TEAD1: variants seen among roughly 807,000 people sequenced by gnomAD.
TEAD1 encodes the protein transcriptional enhancer factor TEF-1.
Under a neutral mutation model 54.9 loss-of-function variants are expected in TEAD1, and 9 were observed. The ratio of observed to expected loss-of-function variants is 0.16; its 90% confidence interval spans 0.10 to 0.29. TEAD1 has a LOEUF of 0.29. Ranked by LOEUF, TEAD1 falls within the 10% of genes least tolerant of loss-of-function variation. TEAD1 has a pLI of 1.00. For synonymous variants in TEAD1, 200 were observed against 187.8 expected, an observed-to-expected ratio of 1.07 and a Z score of -0.53; for missense variants, 387 against 535.9, an observed-to-expected ratio of 0.72 and a Z score of 2.74.
At chr11:12,866,087 C>T (rs937408127) in intron 5 of TEAD1, among the ~76,000 whole-genome samples, 2 of 152,160 alleles carry the variant, frequency 1.3e-5, no homozygotes, top group Non-Finnish European at 2.9e-5. Context: ...CATGCTGGCT[C>T]GCTCGCACGT....
At chr11:12,929,504 A>C (rs994988534) in intron 11 of TEAD1, among the ~76,000 whole-genome samples, 1 of 151,538 alleles carries the variant, frequency 6.6e-6, no homozygotes, top group Admixed American at 6.6e-5. Context: ...ATATGAGGCT[A>C]CTTCATTAAG....
At position 12,790,505 on chromosome 11, in the gene TEAD1, G is replaced by A. The variant is rs1945776849; in HGVS notation, c.202+26071G>A. 2.0e-5 allele frequency among the ~76,000 whole-genome samples: 3 copies of A among 152,130 alleles called. No individual in the cohort carries two copies. In the South Asian group the frequency reaches 6.2e-4, roughly 32 times the overall value. On this transcript the variant is annotated intron_variant, in intron 3 of 12. Transcript: ENST00000527636. ...GACCCTTATCCCTAATTTGTACTGG[G>A]CAGAGACAATGAATATAATTCTATT...
chr11:12,848,280 TG>T (rs1038022127), intron 3 of TEAD1, among the ~76,000 whole-genome samples: 6 of 152,198 alleles, frequency 3.9e-5, no homozygotes, highest in African/African-American at 1.4e-4. Flanking sequence ...TTTTATTGAA[TG>T]GGAGAGGAAA....
At chr11:12,719,365 T>G (rs990661738) in intron 2 of TEAD1, among the ~76,000 whole-genome samples, 15 of 151,988 alleles carry the variant, frequency 9.9e-5, no homozygotes, top group Admixed American at 3.9e-4. Context: ...TATGCTCACA[T>G]TAACAAGGGT....
rs1353865349 is a variant in TEAD1, at chr11:12,851,166, C to T, written c.203-11084C>T. On this transcript the variant is annotated intron_variant, in intron 3 of 12. Transcript: ENST00000527636. ...AAACTATTTCATGATCTCACTTATA[C>T]GTGGAATCTTAAAAAAAAGTCATAC... The T allele has an allele frequency of 1.8e-5, 16 of 869,694 alleles. No homozygotes were observed. In the Admixed American group the frequency reaches 7.5e-4, roughly 41 times the overall value. 53.9% of individuals were successfully genotyped at this position (869,694 alleles called of 1,614,324 possible).
chr11:12,878,941 G>A lies in TEAD1; in HGVS notation c.331-767G>A, dbSNP rs1387107991. On this transcript the variant is annotated intron_variant, in intron 5 of 12. Transcript: ENST00000527636. Reference sequence around the variant, plus strand: ...AAACTGAGTATTCTGTATTTTAGCTGTGCTTGGCAGACTTTTTTGGCTAGC... The same window carrying A: ...AAACTGAGTATTCTGTATTTTAGCTATGCTTGGCAGACTTTTTTGGCTAGC... 3.9e-6 allele frequency: 5 copies of A among 1,274,672 alleles called. No homozygotes were observed. The African/African-American group carries it at 7.7e-5, about 20-fold the overall frequency. 79.0% of individuals were successfully genotyped at this position (1,274,672 alleles called of 1,614,324 possible).
chr11:12,787,485 T>A (rs1945702873), intron 3 of TEAD1, among the ~76,000 whole-genome samples: 1 of 152,230 alleles, frequency 6.6e-6, no homozygotes, highest in South Asian at 2.1e-4. Context: ...TCTGAGAAGA[T>A]AATTCGGTAA....
At chr11:12,732,560 AT>A (rs1944445844) in intron 2 of TEAD1, among the ~76,000 whole-genome samples, 1 of 152,188 alleles carries the variant, frequency 6.6e-6, no homozygotes, top group African/African-American at 2.4e-5. Flanking sequence ...TGGCCAGACC[AT>A]GGGTAATGGA....
chr11:12,687,481 C>T (rs968166222), intron 2 of TEAD1, among the ~76,000 whole-genome samples: 14 of 152,220 alleles, frequency 9.2e-5, no homozygotes, highest in African/African-American at 2.4e-5. Context: ...CAACATCACA[C>T]AGCTGCACTT....
intron 2 of TEAD1, among the ~76,000 whole-genome samples, chr11:12,758,430 AGG>A (rs1945031140): frequency 1.8e-5 from 1 of 54,970 alleles, no homozygotes; most frequent in Non-Finnish European, 3.3e-5. Flanking sequence ...TTTTTTTTTG[AGG>A]TGGAGTATCA....
intron 3 of TEAD1, among the ~76,000 whole-genome samples, chr11:12,776,396 C>T (rs1413492880): frequency 6.6e-6 from 1 of 152,044 alleles, no homozygotes; most frequent in Non-Finnish European, 1.5e-5. Flanking sequence ...TGAGAGTAGA[C>T]GTGGTTTATT....
In TEAD1 at chr11:12,939,201, C is replaced by T. The variant is rs1949137578; in HGVS notation, c.*1979C>T. On this transcript the variant is annotated 3_prime_UTR_variant, in exon 13 of 13. Transcript: ENST00000527636. Reference sequence around the variant, plus strand: ...TGCTCCTCTGCCCTTCATAAACAGACTACTGTTGGGTCCCTGATTCCAGGC... The same window carrying T: ...TGCTCCTCTGCCCTTCATAAACAGATTACTGTTGGGTCCCTGATTCCAGGC... 1 of 152,328 alleles carries T rather than the reference C, an allele frequency of 6.6e-6. No individual in the cohort carries two copies. Among genetic ancestry groups the T allele is most frequent in the Non-Finnish European group, 1.5e-5 (1 of 68,104 alleles). 9.4% of individuals were successfully genotyped at this position (152,328 alleles called of 1,614,324 possible).
At chr11:12,914,147 G>T (rs935256072) in intron 10 of TEAD1, among the ~76,000 whole-genome samples, 1 of 152,202 alleles carries the variant, frequency 6.6e-6, no homozygotes, top group Non-Finnish European at 1.5e-5. Context: ...AAAACTAAAT[G>T]CTGGTATTTG....
chr11:12,716,725 T>C (rs1275135660), intron 2 of TEAD1, among the ~76,000 whole-genome samples: 12 of 152,256 alleles, frequency 7.9e-5, no homozygotes, highest in Admixed American at 7.8e-4. Context: ...GTGAACTCCA[T>C]GTAGTTTATT....
At chr11:12,923,987 C>T (rs1050243959) in intron 10 of TEAD1, among the ~76,000 whole-genome samples, 4 of 152,208 alleles carry the variant, frequency 2.6e-5, no homozygotes, top group African/African-American at 4.8e-5. Flanking sequence ...CTCTGAAGCA[C>T]AGTGCTAATC....
chr11:12,900,191 A>G (rs1011714900), intron 9 of TEAD1, among the ~76,000 whole-genome samples: 1 of 151,726 alleles, frequency 6.6e-6, no homozygotes, highest in Admixed American at 6.6e-5. Flanking sequence ...CCTCCCAGGT[A>G]GCTGGAACTA....
At chr11:12,746,580 T>C (rs927519474) in intron 2 of TEAD1, among the ~76,000 whole-genome samples, 1 of 152,256 alleles carries the variant, frequency 6.6e-6, no homozygotes, top group Admixed American at 6.5e-5. Context: ...AGTGTAGTTA[T>C]GAATTTAATG....
At chr11:12,806,139 T>G (rs1192689193) in intron 3 of TEAD1, among the ~76,000 whole-genome samples, 1 of 152,202 alleles carries the variant, frequency 6.6e-6, no homozygotes, top group Non-Finnish European at 1.5e-5. Flanking sequence ...TTAAATAACA[T>G]TTTCTCACCT....
intron 12 of TEAD1, among the ~76,000 whole-genome samples, chr11:12,932,233 A>G (rs1949024184): frequency 6.6e-6 from 1 of 152,152 alleles, no homozygotes; most frequent in Non-Finnish European, 1.5e-5. Flanking sequence ...GAGCAATTCA[A>G]GGTTTGCAGG....
Sources: allele counts gnomAD v4.1 joint callset (sites outside exome capture counted in the v4.1 genomes callset), GRCh38; gene constraint gnomAD v4.1.1; transcripts MANE v1.5; gene names NCBI Gene and HGNC (gene_info 2026-07-23, HGNC 2026-07-21).